Variants in SULF2 observed in about 807,000 individuals in gnomAD.
SULF2 encodes sulfatase 2, also known as extracellular sulfatase Sulf-2.
SULF2 carries 52 observed loss-of-function variants against 107.7 expected under a neutral mutation model. The observed-to-expected ratio is 0.48, with a 90% CI of 0.39 to 0.61. SULF2 has a LOEUF of 0.61. Ranked by LOEUF, SULF2 falls within the 20% of genes least tolerant of loss-of-function variation. The pLI is 0.00. For synonymous variants in SULF2, 460 were observed against 464.3 expected, an observed-to-expected ratio of 0.99 and a Z score of 0.12; for missense variants, 993 against 1,177.3, an observed-to-expected ratio of 0.84 and a Z score of 2.29.
intron 1 of SULF2, among the ~76,000 whole-genome samples, chr20:47,767,522 T>C (rs2090549329): frequency 6.6e-6 from 1 of 152,184 alleles, no homozygotes; most frequent in Non-Finnish European, 1.5e-5. Context: ...GGCTCACGCC[T>C]GTTATCCCAG....
intron 1 of SULF2, among the ~76,000 whole-genome samples, chr20:47,766,659 C>CT (rs1209625107): frequency 6.6e-6 from 1 of 152,162 alleles, no homozygotes; most frequent in South Asian, 2.1e-4. Flanking sequence ...AAGTGATACT[C>CT]TAAGTCAACA....
intron 3 of SULF2, among the ~76,000 whole-genome samples, chr20:47,713,056 G>C (rs1401870060): frequency 6.6e-6 from 1 of 152,000 alleles, no homozygotes; most frequent in Non-Finnish European, 1.5e-5. Context: ...CAGGGGTGGG[G>C]GGAGAAAAAG....
At chr20:47,742,618 C>T (rs2089910726) in intron 2 of SULF2, among the ~76,000 whole-genome samples, 1 of 152,128 alleles carries the variant, frequency 6.6e-6, no homozygotes, top group South Asian at 2.1e-4. Flanking sequence ...GCCTGTGTAC[C>T]ACTGTGCTAT....
intron 2 of SULF2, among the ~76,000 whole-genome samples, chr20:47,737,154 G>A (rs1269310539): frequency 2.6e-5 from 4 of 152,158 alleles, no homozygotes; most frequent in African/African-American, 7.2e-5. Context: ...ACACTCCTGA[G>A]GTCCAGGTCT....
Position 47,731,182 on chromosome 20 carries a change from C to CTTTTTTTTTTT in SULF2, c.415+5520_415+5521insAAAAAAAAAAA, listed in dbSNP as rs1342480404. 7.0e-5 allele frequency among the ~76,000 whole-genome samples: 7 copies of CTTTTTTTTTTT among 99,612 alleles called. 1 individual carries two copies. The highest frequency in any genetic ancestry group is 1.6e-4 in the African/African-American group (3 of 18,658). 65.3% of individuals were successfully genotyped at this position (99,612 alleles called of 152,430 possible). ...GACTCTGCCTGCTACTCACCTGTAT[C>CTTTTTTTTTTT]TTCTCTTTTTTTTTTTTTTTTTTTT... is the stretch of plus-strand genomic sequence containing the variant. On this transcript the variant is annotated intron_variant, in intron 3 of 20. Coordinates refer to ENST00000688720, the MANE Select transcript of SULF2 (RefSeq NM_001387048.1).
rs567853486 is a variant in SULF2, at chr20:47,702,283, C to T, written c.567+236G>A. Among the ~76,000 whole-genome samples, 12 of 152,290 alleles carry T rather than the reference C, an allele frequency of 7.9e-5. No individual in the cohort carries two copies. In the East Asian group the frequency reaches 1.9e-3, roughly 24 times the overall value. ...TCATGTTGCCCAGGCTGGTCTTGAA[C>T]TCCTGGACTCAAGTGATTCACCTGC... is the stretch of plus-strand genomic sequence containing the variant. On this transcript the variant is annotated intron_variant, in intron 4 of 20. Transcript: ENST00000688720.
At chr20:47,749,865 C>T (rs1159360303) in intron 2 of SULF2, among the ~76,000 whole-genome samples, 3 of 152,228 alleles carry the variant, frequency 2.0e-5, no homozygotes, top group Admixed American at 6.5e-5. Context: ...ACTCTAAGTC[C>T]ACCCAGGCCT....
chr20:47,781,071 G>A (rs1274707295), intron 1 of SULF2, among the ~76,000 whole-genome samples: 1 of 152,234 alleles, frequency 6.6e-6, no homozygotes, highest in African/African-American at 2.4e-5. Flanking sequence ...TGATTCTCAT[G>A]GTGGGAGGTT....
chr20:47,668,647 A>G (rs1187868418), intron 11 of SULF2, among the ~76,000 whole-genome samples: 1 of 152,200 alleles, frequency 6.6e-6, no homozygotes, highest in Non-Finnish European at 1.5e-5. Context: ...GGCTCCTTGG[A>G]GGATGGCACG....
At chr20:47,663,006 G>A in intron 17 of SULF2, 64 bp downstream of exon 17, 3 of 1,593,532 alleles carry the variant, frequency 1.9e-6, no homozygotes, top group Non-Finnish European at 8.6e-7. Flanking sequence ...GAGGTTGGGG[G>A]GGGCCTACCT....
chr20:47,742,480 G>A (rs991642134), intron 2 of SULF2, among the ~76,000 whole-genome samples: 1 of 152,104 alleles, frequency 6.6e-6, no homozygotes, highest in African/African-American at 2.4e-5. Context: ...TGATGGGCTG[G>A]AGAGGCCTCA....
chr20:47,673,361 T>G (rs1325394066), intron 10 of SULF2, among the ~76,000 whole-genome samples: 7 of 152,160 alleles, frequency 4.6e-5, no homozygotes, highest in Admixed American at 3.3e-4. Context: ...CACGCTACCC[T>G]ACGAGGCAGG....
chr20:47,754,280 A>G (rs780174843), intron 2 of SULF2, among the ~76,000 whole-genome samples: 2 of 152,242 alleles, frequency 1.3e-5, no homozygotes, highest in Non-Finnish European at 2.9e-5. Flanking sequence ...AGAAGTCTCC[A>G]GCCCAGAGGG....
rs151106550 is a variant in SULF2 at position 47,694,790 on chromosome 20, G to A, written c.568-4495C>T. Among the ~76,000 whole-genome samples, 187 of 152,332 alleles carry A rather than the reference G, an allele frequency of 1.2e-3. No homozygotes were observed. The highest frequency in any genetic ancestry group is 4.2e-3 in the African/African-American group (173 of 41,582). On this transcript the variant is annotated intron_variant, in intron 4 of 20. Transcript: ENST00000688720. This position sits in a 1 kb window ranked among gnomAD's most constrained non-coding sequence, Gnocchi z 4.4. Reference sequence around the variant, plus strand: ...TCCAAGGCCAAGGCAGTGCGTGTGGGTGGCAGCAGCTCCACAGGCTCCAGA... The same window carrying A: ...TCCAAGGCCAAGGCAGTGCGTGTGGATGGCAGCAGCTCCACAGGCTCCAGA...
At chr20:47,669,887 G>T (rs934271719) in intron 11 of SULF2, among the ~76,000 whole-genome samples, 1 of 152,200 alleles carries the variant, frequency 6.6e-6, no homozygotes, top group Non-Finnish European at 1.5e-5. Flanking sequence ...ATTATCGACT[G>T]TGCCACATAT....
intron 2 of SULF2, among the ~76,000 whole-genome samples, chr20:47,738,191 C>T (rs984710975): frequency 2.0e-5 from 3 of 152,232 alleles, no homozygotes; most frequent in Non-Finnish European, 2.9e-5. Context: ...CTGTGTGCTC[C>T]GCTCAGCGCT....
At position 47,666,943 on chromosome 20, in the gene SULF2, C is replaced by T. The variant is rs765922460; in HGVS notation, c.1577-455G>A. Among the ~76,000 whole-genome samples, 16 of 152,112 alleles carry T rather than the reference C, an allele frequency of 1.1e-4. No homozygotes were observed. The highest frequency in any genetic ancestry group is 2.1e-4 in the Non-Finnish European group (14 of 68,020). On this transcript the variant is annotated intron_variant, in intron 11 of 20. Transcript: ENST00000688720. The surrounding 1 kb of genome is among the most constrained non-coding windows in gnomAD (Gnocchi z 5.4). ...CTACCCAGAATAGGTAAATCTATAG[C>T]GGCAGAAAGAAGATTGGTGATTGCC...
At chr20:47,766,950 A>G (rs1238116444) in intron 1 of SULF2, among the ~76,000 whole-genome samples, 1 of 54,128 alleles carries the variant, frequency 1.8e-5, no homozygotes, top group Non-Finnish European at 4.5e-5. Flanking sequence ...TGATCAGTAG[A>G]AAAAAAAAAA....
intron 2 of SULF2, among the ~76,000 whole-genome samples, chr20:47,749,470 G>A (rs953939080): frequency 2.6e-5 from 4 of 152,216 alleles, no homozygotes; most frequent in African/African-American, 9.7e-5. Flanking sequence ...TTCTCCTCTA[G>A]TGATCAGCGG....
Sources: gnomAD v4.1 joint callset for allele counts (sites outside exome capture counted in the v4.1 genomes callset) on GRCh38, gnomAD v4.1.1 for gene constraint, Gnocchi (gnomAD v3.1) non-coding constraint, MANE v1.5 for transcripts, NCBI Gene and HGNC (gene_info 2026-07-23, HGNC 2026-07-21) for gene names.